The following ZNF69 variants were observed in gnomAD, a reference collection of about 807,000 sequenced individuals.
ZNF69 encodes the protein ZNF3.
In ZNF69, 47 loss-of-function variants were observed where a neutral mutation model predicts 50.9. The observed-to-expected ratio is 0.92, with a 90% CI of 0.73 to 1.18. The LOEUF is 1.18. Ranked by LOEUF, ZNF69 falls within the 50% of genes most tolerant of loss-of-function variation. ZNF69 has a pLI of 0.00. For synonymous variants in ZNF69, 216 were observed against 223.1 expected, an observed-to-expected ratio of 0.97 and a Z score of 0.29; for missense variants, 717 against 675.1, an observed-to-expected ratio of 1.06 and a Z score of -0.69.
Position 11,905,770 on chromosome 19 carries a change from A to G in ZNF69, c.1373A>G (p.Asn458Ser). 2 of 1,612,378 alleles carry G rather than the reference A, an allele frequency of 1.2e-6. No individual in the cohort carries two copies. The highest frequency in any genetic ancestry group is 1.7e-6 in the Non-Finnish European group (2 of 1,179,698). Residue 458 changes from asparagine to serine, a missense_variant, in exon 4 of 4, where the codon AAC (asparagine) becomes AGC (serine). Coordinates refer to ENST00000429654, the MANE Select transcript of ZNF69 (RefSeq NM_001364730.1). ...GGGAAAGCCTTCAGATCTATGAAGAACCTTCAAAGTCATGAAAGGACACAA... is the reference window on the plus strand; with the variant it reads ...GGGAAAGCCTTCAGATCTATGAAGAGCCTTCAAAGTCATGAAAGGACACAA... ...ECGKAFRSMK[N>S]LQSHERTQTH... is the part of the protein sequence containing the mutation.
At chr19:11,926,696 T>C in the ZNF69 span, 1 of 154,268 alleles carries the variant, frequency 6.5e-6, no homozygotes, top group Non-Finnish European at 1.5e-5. Context: ...GCCAGAGGTA[T>C]GTTTTTATTT....
chr19:11,933,083 T>A, the ZNF69 span, among the ~76,000 whole-genome samples: 1 of 148,136 alleles, frequency 6.8e-6, no homozygotes, highest in African/African-American at 2.6e-5. Flanking sequence ...AATCCAGAGT[T>A]CCCTCATTTT....
the ZNF69 span, among the ~76,000 whole-genome samples, chr19:11,943,562 G>C: frequency 6.6e-6 from 1 of 151,976 alleles, no homozygotes; most frequent in African/African-American, 2.4e-5. Context: ...TTATTTCAAA[G>C]ACTGTGATCA....
chr19:11,947,551 C>T, the ZNF69 span: 1 of 1,613,496 alleles, frequency 6.2e-7, no homozygotes, highest in Non-Finnish European at 8.5e-7. Flanking sequence ...AATATGAGTA[C>T]CAAAACCCCA....
At chr19:11,957,312 T>G in the ZNF69 span, among the ~76,000 whole-genome samples, 1 of 151,702 alleles carries the variant, frequency 6.6e-6, no homozygotes, top group Non-Finnish European at 1.5e-5. Context: ...GCCAGGATGA[T>G]CTCAATCTCC....
chr19:11,976,296 G>A, the ZNF69 span, among the ~76,000 whole-genome samples: 6 of 151,522 alleles, frequency 4.0e-5, no homozygotes, highest in African/African-American at 1.5e-4. Context: ...AGACAGTAGG[G>A]ACAGCCCAGG....
At chr19:11,963,700 G>T in the ZNF69 span, among the ~76,000 whole-genome samples, 1 of 152,036 alleles carries the variant, frequency 6.6e-6, no homozygotes, top group Non-Finnish European at 1.5e-5. Context: ...CATGGAAACC[G>T]CCCGACTCTC....
At chr19:11,924,280 A>C in the ZNF69 span, among the ~76,000 whole-genome samples, 1 of 151,510 alleles carries the variant, frequency 6.6e-6, no homozygotes, top group South Asian at 2.1e-4. Flanking sequence ...AAAATACAAA[A>C]TATTAGCCGG....
intron 1 of ZNF69, among the ~76,000 whole-genome samples, chr19:11,896,667 A>G (rs142205707): frequency 0.078 from 11,904 of 152,176 alleles, 1,123 homozygotes; most frequent in African/African-American, 0.23. Flanking sequence ...AGAGATGTCA[A>G]CTTCTAATAC....
At chr19:11,888,198 C>T (rs935357503) in intron 1 of ZNF69, among the ~76,000 whole-genome samples, 1 of 152,230 alleles carries the variant, frequency 6.6e-6, no homozygotes, top group African/African-American at 2.4e-5. Flanking sequence ...CTCTGCGCGG[C>T]GACTGCGGTT....
chr19:11,970,094 A>G, the ZNF69 span, among the ~76,000 whole-genome samples: 1 of 152,094 alleles, frequency 6.6e-6, no homozygotes, highest in Non-Finnish European at 1.5e-5. Flanking sequence ...CATCTACATA[A>G]CCAATTCTTG....
the ZNF69 span, among the ~76,000 whole-genome samples, chr19:11,922,649 C>A: frequency 2.3e-4 from 25 of 109,574 alleles, no homozygotes; most frequent in South Asian, 1.0e-3. Context: ...GGGGCCTTTT[C>A]CATTGACTGC....
the ZNF69 span, chr19:11,925,303 C>CGG: frequency 1.5e-5 from 24 of 1,608,288 alleles, no homozygotes; most frequent in Non-Finnish European, 2.0e-5. Flanking sequence ...TGTCGTGAGA[C>CGG]GGGGGAGGGG....
At chr19:11,921,584 C>A in the ZNF69 span, among the ~76,000 whole-genome samples, 3 of 151,948 alleles carry the variant, frequency 2.0e-5, no homozygotes, top group Non-Finnish European at 4.4e-5. Flanking sequence ...CTCACTGCAA[C>A]CTTCCAACTC....
chr19:11,897,897 G>GA (rs1380348455), intron 1 of ZNF69, among the ~76,000 whole-genome samples: 1 of 149,468 alleles, frequency 6.7e-6, no homozygotes, highest in Non-Finnish European at 1.5e-5. Context: ...GAAAAGAAAA[G>GA]AAAAAAGAAA....
the ZNF69 span, among the ~76,000 whole-genome samples, chr19:11,965,982 A>C: frequency 2.0e-5 from 3 of 151,966 alleles, no homozygotes. Context: ...TGAGAGTGTG[A>C]AGTTTGTCTA....
At chr19:11,909,480 T>G (rs1599362655), downstream of ZNF69, among the ~76,000 whole-genome samples, 1 of 152,186 alleles carries the variant, frequency 6.6e-6, no homozygotes, top group African/African-American at 2.4e-5. Flanking sequence ...ACGATCAAGT[T>G]GGCTTCATCC....
the ZNF69 span, among the ~76,000 whole-genome samples, chr19:11,941,277 G>T: frequency 6.6e-6 from 1 of 152,282 alleles, no homozygotes; most frequent in African/African-American, 2.4e-5. Flanking sequence ...CTGCCTGCCA[G>T]TCCCGCGCCA....
At position 11,898,385 on chromosome 19, in the gene ZNF69, C is replaced by CTTTT. The variant is rs745487579; in HGVS notation, c.64-5168_64-5165dup. The stretch of plus-strand genomic sequence containing the variant: ...CTTCCAGGCTCATAGTTCCTCCTGG[C>CTTTT]TTTTTTTTTTTTTTTTTTTTTTTGA... On this transcript the variant is annotated intron_variant, in intron 1 of 3. Transcript: ENST00000429654. Among the ~76,000 whole-genome samples the CTTTT allele has an allele frequency of 1.3e-3, 120 of 91,866 alleles. 2 individuals are homozygous for CTTTT. The highest frequency in any genetic ancestry group is 3.0e-3 in the African/African-American group (66 of 21,676). The allele number at this position is 91,866 out of a possible 152,430, so 60.3% of individuals were successfully genotyped here.
Sources: gnomAD v4.1 joint callset for allele counts (sites outside exome capture counted in the v4.1 genomes callset) on GRCh38, gnomAD v4.1.1 for gene constraint, MANE v1.5 for transcripts, NCBI Gene and HGNC (gene_info 2026-07-23, HGNC 2026-07-21) for gene names.